E2F4: variants seen among roughly 807,000 people sequenced by gnomAD.
The protein encoded by E2F4 is transcription factor E2F4.
A neutral mutation model predicts 44.5 loss-of-function variants in E2F4; 16 were observed. That is an observed-to-expected ratio of 0.36 (90% CI 0.24 to 0.55). The LOEUF (loss-of-function observed/expected upper bound fraction) is 0.55, where lower values mean the gene tolerates loss of function less well. Among genes scored for constraint, E2F4 ranks in the 20% least tolerant of loss-of-function variants. The probability of loss-of-function intolerance (pLI) is 0.87; values close to 1 mark genes in which losing one functional copy is unlikely to be tolerated. For missense variants in E2F4, 473 were observed against 522.1 expected (o/e 0.91, Z 0.92); for synonymous variants, 242 against 207.2 (o/e 1.17, Z -1.44).
intron 1 of E2F4, 134 bp from the exon 2 acceptor site, chr16:67,192,627 G>T: frequency 1.0e-6 from 1 of 962,792 alleles, no homozygotes; most frequent in Non-Finnish European, 1.6e-6. Context: ...ACAGAGCTGC[G>T]GTCCTGAGCT....
At chr16:67,196,064 G>C in intron 7 of E2F4, 58 bp downstream of exon 7, 2 of 1,604,286 alleles carry the variant, frequency 1.2e-6, no homozygotes, top group South Asian at 2.2e-5. Flanking sequence ...CCAGTCCTAG[G>C]TCAGAAAACA....
At chr16:67,192,593 G>A in intron 1 of E2F4, 168 bp from the exon 2 acceptor site, 1 of 929,002 alleles carries the variant, frequency 1.1e-6, no homozygotes, top group Non-Finnish European at 1.6e-6. Flanking sequence ...TTCCTGGCTG[G>A]CGAGGAGAAG....
chr16:67,196,487 C>T (rs3730405), intron 7 of E2F4, among the ~76,000 whole-genome samples: 1,807 of 152,264 alleles, frequency 0.012, 18 homozygotes, highest in Non-Finnish European at 0.018. Flanking sequence ...ATTCTTTCCT[C>T]CTTTGGCATC....
rs1455934836 is a variant in E2F4 at position 67,192,246 on chromosome 16, C to G, written c.19C>G (p.Gln7Glu). 4.7e-6 allele frequency: 6 copies of G among 1,275,496 alleles called. No individual in the cohort carries two copies. Among genetic ancestry groups the G allele is most frequent in the Non-Finnish European group, 5.9e-6 (6 of 1,008,466 alleles). 79.0% of individuals were successfully genotyped at this position (1,275,496 alleles called of 1,614,324 possible). Residue 7 changes from glutamine (Q) to glutamate (E), a missense_variant, in exon 1 of 10, where the codon CAG becomes GAG. Gln to Glu is a conservative substitution (Grantham distance 29, BLOSUM62 2). Coordinates refer to ENST00000379378, the MANE Select transcript of E2F4 (RefSeq NM_001950.4). ...GGGCGCGATGGCGGAGGCCGGGCCA[C>G]AGGCGCCGCCGCCCCCGGGCACTCC... MAEAGPQAPPPPGTPSR... is the reference protein window; with the variant it reads MAEAGPEAPPPPGTPSR...
intron 1 of E2F4, 135 bp downstream of exon 1, chr16:67,192,497 C>A: frequency 7.9e-7 from 1 of 1,264,906 alleles, no homozygotes; most frequent in South Asian, 1.8e-5. Context: ...GGAGAGAAGC[C>A]GGGGGATGTT....
chr16:67,197,949 G>T, intron 9 of E2F4, 38 bp downstream of exon 9: 1 of 1,614,144 alleles, frequency 6.2e-7, no homozygotes. Flanking sequence ...GTGTGGGCAG[G>T]GGTTGGGCTG....
At position 67,192,184 on chromosome 16, in the gene E2F4, C is replaced by CGGCCT. The variant is rs754082976; in HGVS notation, c.-30_-26dup. On this transcript the variant is annotated 5_prime_UTR_variant, in exon 1 of 10. Coordinates refer to ENST00000379378, the MANE Select transcript of E2F4 (RefSeq NM_001950.4). ...ACGGAAGCGGAAGTGGCGGCGGCGC[C>CGGCCT]GGCCTGGCCTGGCCTGGCTGAGGGG... 202 of 1,161,302 alleles carry CGGCCT rather than the reference C, an allele frequency of 1.7e-4. No homozygotes were observed. The highest frequency in any genetic ancestry group is 1.1e-3 in the African/African-American group (65 of 61,638). The allele number at this position is 1,161,302 out of a possible 1,614,324, so 71.9% of individuals were successfully genotyped here. A position where few individuals can be genotyped will look rare whatever the true frequency, so the allele number is the denominator to read the frequency against.
intron 3 of E2F4, 80 bp from the exon 4 acceptor site, chr16:67,193,392 C>G: frequency 6.3e-7 from 1 of 1,576,946 alleles, no homozygotes; most frequent in Non-Finnish European, 8.7e-7. Context: ...TGTGTCAGAC[C>G]TTAGCTAAAG....
rs551688798 is a variant in E2F4 at position 67,192,954 on chromosome 16, G to A, written c.246-55G>A. On this transcript the variant is annotated intron_variant, in intron 2 of 9. Coordinates refer to ENST00000379378, the MANE Select transcript of E2F4 (RefSeq NM_001950.4). ...GTGGAGGGTGCCGAAGAAGGCAGGG[G>A]CCATGGGACCCAGAGTTCTCAGCAG... 2,661 of 1,560,572 alleles carry A rather than the reference G, an allele frequency of 1.7e-3. 4 individuals are homozygous for A. The highest frequency in any genetic ancestry group is 4.0e-3 in the Middle Eastern group (24 of 6,000).
chr16:67,197,478 C>T (rs2032989363), intron 7 of E2F4, 121 bp from the exon 8 acceptor site: 12 of 1,008,386 alleles, frequency 1.2e-5, no homozygotes, highest in Middle Eastern at 2.3e-4. Flanking sequence ...TAGGCAGGAC[C>T]TACATCTCCT....
chr16:67,192,796 G>T lies in E2F4; in HGVS notation c.171G>T (p.Arg57=). ...ADTLAVRQKR[R]IYDITNVLEG... ...CCCTAGCTGTACGCCAGAAGCGGCG[G>T]ATTTACGACATTACCAATGTTTTGG... The change falls in exon 2 of 10, where the codon CGG becomes CGT. Residue 57 remains arginine, a synonymous_variant. Coordinates refer to ENST00000379378, the MANE Select transcript of E2F4 (RefSeq NM_001950.4). 6.2e-7 allele frequency: 1 copy of T among 1,612,800 alleles called. No homozygotes were observed. Among genetic ancestry groups the T allele is most frequent in the Non-Finnish European group, 8.5e-7 (1 of 1,179,364 alleles).
chr16:67,193,886 T>C, intron 4 of E2F4: 1 of 308,878 alleles, frequency 3.2e-6, no homozygotes, highest in Non-Finnish European at 6.0e-6. Flanking sequence ...ACTTGTTAGT[T>C]TAGTTGCATT....
At chr16:67,195,701 CTG>C in intron 6 of E2F4, 79 bp from the exon 7 acceptor site, 2 of 1,589,768 alleles carry the variant, frequency 1.3e-6, no homozygotes, top group Non-Finnish European at 1.7e-6. Flanking sequence ...TGTGGTCCTC[CTG>C]TGTCTGGGTT....
intron 4 of E2F4, 85 bp from the exon 5 acceptor site, chr16:67,194,313 C>G: frequency 6.8e-7 from 1 of 1,477,606 alleles, no homozygotes; most frequent in South Asian, 1.2e-5. Flanking sequence ...ACCGTGATCT[C>G]CTGCCTTGCT....
intron 7 of E2F4, 152 bp downstream of exon 7, chr16:67,196,158 C>T: frequency 8.8e-7 from 1 of 1,140,368 alleles, no homozygotes; most frequent in Non-Finnish European, 1.3e-6. Context: ...AGTGCTGGTG[C>T]CCCCTCTAGC....
intron 7 of E2F4, among the ~76,000 whole-genome samples, chr16:67,196,519 C>T (rs3730406): frequency 0.04 from 6,016 of 152,256 alleles, 165 homozygotes; most frequent in Non-Finnish European, 0.057. Flanking sequence ...TTTTGGCTCT[C>T]CTATCTCACT....
intron 7 of E2F4, among the ~76,000 whole-genome samples, chr16:67,197,317 G>A (rs769281442): frequency 1.3e-5 from 2 of 152,124 alleles, no homozygotes; most frequent in Non-Finnish European, 2.9e-5. Context: ...TCAGACAGGG[G>A]GTGCATGCTG....
In E2F4 at chr16:67,195,924, C is replaced by T. The variant is rs3730404; in HGVS notation, c.951C>T (p.Ser317=). The T allele has an allele frequency of 0.012, 19,003 of 1,613,580 alleles. 1,029 individuals carry two copies. In the African/African-American group the frequency reaches 0.14, roughly 12 times the overall value. The change falls in exon 7 of 10, where the codon AGC becomes AGT. Residue 317 remains serine (S), a synonymous_variant. Transcript: ENST00000379378. ...SSSSSSSSSS[S]SSNSNSSSSS... is the part of the protein sequence containing the mutation. Reference sequence around the variant, plus strand: ...GCAGCAGCAGCAGCAGCAGCAGCAGCAGCAGCAACAGTAACAGCAGCAGTT... The same window carrying T: ...GCAGCAGCAGCAGCAGCAGCAGCAGTAGCAGCAACAGTAACAGCAGCAGTT...
chr16:67,196,187 A>G (rs771704556), intron 7 of E2F4, among the ~76,000 whole-genome samples, 181 bp downstream of exon 7: 1 of 152,080 alleles, frequency 6.6e-6, no homozygotes, highest in Non-Finnish European at 1.5e-5. Context: ...CTAGGCTAAC[A>G]CAGAACTCCC....
Sources: allele counts gnomAD v4.1 joint callset (sites outside exome capture counted in the v4.1 genomes callset), GRCh38; gene constraint gnomAD v4.1.1; transcripts MANE v1.5; gene names NCBI Gene and HGNC (gene_info 2026-07-23, HGNC 2026-07-21).